The following SCN3A variants were observed in gnomAD, a reference collection of about 807,000 sequenced individuals.
SCN3A encodes sodium voltage-gated channel alpha subunit 3.
In SCN3A, 60 loss-of-function variants were observed where a neutral mutation model predicts 187.6. The observed-to-expected ratio is 0.32, with a 90% confidence interval of 0.26 to 0.40. The LOEUF (loss-of-function observed/expected upper bound fraction) is 0.40, where lower values mean the gene tolerates loss of function less well. Ranked by LOEUF, SCN3A falls within the 10% of genes least tolerant of loss-of-function variation. The pLI, the probability that SCN3A is intolerant of heterozygous loss-of-function variation, is 1.00. For synonymous variants in SCN3A, 788 were observed against 829.2 expected (o/e 0.95, Z 0.85); for missense variants, 1,601 against 2,428.2 (o/e 0.66, Z 7.16).
intron 3 of SCN3A, 59 bp from the exon 4 acceptor site, chr2:165,170,607 T>G: frequency 9.8e-7 from 1 of 1,016,032 alleles, no homozygotes; most frequent in African/African-American, 1.6e-5. Context: ...TTAAAGAGCT[T>G]ACATACATGA....
chr2:165,127,031 G>T (rs78747056), intron 18 of SCN3A, among the ~76,000 whole-genome samples: 17,527 of 152,094 alleles, frequency 0.12, 1,342 homozygotes, highest in Middle Eastern at 0.18. Context: ...AGTTGAGAGT[G>T]TAATGTACTA....
chr2:165,190,610 A>G (rs1691539120), intron 1 of SCN3A, among the ~76,000 whole-genome samples: 1 of 147,398 alleles, frequency 6.8e-6, no homozygotes. Context: ...CTTTATATAT[A>G]TATATATAAA....
In SCN3A at chr2:165,143,361, T is replaced by C. The variant is rs142553783; in HGVS notation, c.1672-2363A>G. Among the ~76,000 whole-genome samples the C allele has an allele frequency of 3.0e-3, 453 of 152,336 alleles. 3 individuals carry two copies. Among genetic ancestry groups the C allele is most frequent in the African/African-American group, 0.011 (443 of 41,586 alleles). ...CTACACAGTATTGGTTGGGAGTATGTGGTACGTGTGTACATCCACTATGTA... is the reference window on the plus strand; with the variant it reads ...CTACACAGTATTGGTTGGGAGTATGCGGTACGTGTGTACATCCACTATGTA... On this transcript the variant is annotated intron_variant, in intron 12 of 27. Coordinates refer to ENST00000283254, the MANE Select transcript of SCN3A (RefSeq NM_006922.4).
intron 26 of SCN3A, 43 bp downstream of exon 26, chr2:165,094,331 G>T: frequency 7.4e-7 from 1 of 1,358,992 alleles, no homozygotes; most frequent in Non-Finnish European, 1.1e-6. Context: ...TGACCATATG[G>T]ACGCATGGCT....
At chr2:165,126,058 C>T (rs1686971182) in intron 18 of SCN3A, among the ~76,000 whole-genome samples, 1 of 152,000 alleles carries the variant, frequency 6.6e-6, no homozygotes, top group African/African-American at 2.4e-5. Context: ...TGTCAGCTAC[C>T]TATTATAGGG....
chr2:165,151,810 A>G (rs1688699480), intron 11 of SCN3A, among the ~76,000 whole-genome samples: 1 of 152,194 alleles, frequency 6.6e-6, no homozygotes, highest in Non-Finnish European at 1.5e-5. Flanking sequence ...CATGTGTCTT[A>G]GAAAACTACC....
At position 165,120,799 on chromosome 2, in the gene SCN3A, CT is replaced by C. The variant is rs397869445; in HGVS notation, c.3394-5225del. On this transcript the variant is annotated intron_variant, in intron 18 of 27. Transcript: ENST00000283254. ...GGCGGGAAGGAAAAGGCCAGTAGCTCTTTTTTTTTTTTTTTTCACGATCACT... is the reference window on the plus strand; with the variant it reads ...GGCGGGAAGGAAAAGGCCAGTAGCTCTTTTTTTTTTTTTTTCACGATCACT... Among the ~76,000 whole-genome samples, 732 of 135,244 alleles carry C rather than the reference CT, an allele frequency of 5.4e-3. 1 individual carries two copies. The highest frequency in any genetic ancestry group is 0.011 in the South Asian group (47 of 4,166). 88.7% of individuals were successfully genotyped at this position (135,244 alleles called of 152,430 possible).
intron 1 of SCN3A, among the ~76,000 whole-genome samples, chr2:165,193,740 C>T (rs1019502832): frequency 5.9e-5 from 9 of 151,820 alleles, no homozygotes; most frequent in African/African-American, 2.2e-4. Context: ...GTATGACTTA[C>T]ATTACTTCAA....
intron 21 of SCN3A, among the ~76,000 whole-genome samples, chr2:165,105,439 T>C (rs1574115801): frequency 6.6e-6 from 1 of 152,152 alleles, no homozygotes; most frequent in African/African-American, 2.4e-5. Flanking sequence ...TTCAGATTGC[T>C]AGCTGCACAC....
In SCN3A at chr2:165,164,434, C is replaced by T. The variant is rs183764694; in HGVS notation, c.560G>A (p.Arg187His). The change falls in exon 6 of 28, where the codon CGT (arginine) becomes CAT (histidine). Residue 187 changes from arginine (R) to histidine (H), a missense_variant. Arg to His is a conservative substitution (Grantham distance 29, BLOSUM62 0). This residue lies in a region of SCN3A where 122 missense variants were observed against 225.1 expected (regional missense o/e 0.54). Transcript: ENST00000283254. Reference protein sequence around the residue: ...GFCLEDFTFLRDPWNWLDFSV... With the variant: ...GFCLEDFTFLHDPWNWLDFSV... ...GAAATCCAGCCAGTTCCATGGATCA[C>T]GAAGAAACGTAAAATCTTCTAAGCA... 144 of 1,613,682 alleles carry T rather than the reference C, an allele frequency of 8.9e-5. No individual in the cohort carries two copies. Among genetic ancestry groups the T allele is most frequent in the South Asian group, 2.5e-4 (23 of 91,068 alleles).
Position 165,159,822 on chromosome 2 carries a change from G to A in SCN3A, c.1031+2486C>T, listed in dbSNP as rs571644581. ...ATTTATTTCTTTAATGGAATGTGCC[G>A]CTTAAATACAAAATGGTTTTGTATT... On this transcript the variant is annotated intron_variant, in intron 9 of 27. Transcript: ENST00000283254. Among the ~76,000 whole-genome samples, 4 of 135,978 alleles carry A rather than the reference G, an allele frequency of 2.9e-5. 1 individual carries two copies. The South Asian group carries it at 7.0e-4, about 24-fold the overall frequency. The allele number at this position is 135,978 out of a possible 152,430, so 89.2% of individuals were successfully genotyped here.
intron 16 of SCN3A, among the ~76,000 whole-genome samples, chr2:165,130,755 T>G (rs938687990): frequency 1.3e-5 from 2 of 152,090 alleles, no homozygotes; most frequent in African/African-American, 4.8e-5. Flanking sequence ...AAATACACAT[T>G]TTGCTTAATT....
intron 1 of SCN3A, among the ~76,000 whole-genome samples, chr2:165,188,560 C>T (rs956027128): frequency 2.1e-4 from 32 of 152,072 alleles, no homozygotes; most frequent in African/African-American, 6.5e-4. Context: ...GAGGCCGAGG[C>T]GGGTGGATCA....
At chr2:165,191,335 A>G (rs1691598758) in intron 1 of SCN3A, among the ~76,000 whole-genome samples, 1 of 151,972 alleles carries the variant, frequency 6.6e-6, no homozygotes, top group Non-Finnish European at 1.5e-5. Context: ...AGAACATAGA[A>G]ATCGAATCAT....
At chr2:165,124,941 T>C (rs1410845177) in intron 18 of SCN3A, among the ~76,000 whole-genome samples, 1 of 152,198 alleles carries the variant, frequency 6.6e-6, no homozygotes, top group Non-Finnish European at 1.5e-5. Context: ...ACTTTCCAAT[T>C]GCCTTCCCCT....
At chr2:165,122,177 A>G (rs1181086277) in intron 18 of SCN3A, among the ~76,000 whole-genome samples, 1 of 148,692 alleles carries the variant, frequency 6.7e-6, no homozygotes, top group African/African-American at 2.5e-5. Context: ...ATGGCCCTTC[A>G]TCTCCAAACC....
intron 14 of SCN3A, 95 bp from the exon 15 acceptor site, chr2:165,138,212 A>G: frequency 1.2e-6 from 1 of 865,132 alleles, no homozygotes; most frequent in South Asian, 1.4e-5. Context: ...ATTGATGCTT[A>G]TATTTGAAAA....
At chr2:165,135,178 G>A (rs1199240837) in intron 15 of SCN3A, among the ~76,000 whole-genome samples, 1 of 151,934 alleles carries the variant, frequency 6.6e-6, no homozygotes, top group East Asian at 1.9e-4. Flanking sequence ...ATTTTTTGCT[G>A]ATTGAATCCC....
chr2:165,132,161 T>C (rs944806409), intron 15 of SCN3A, among the ~76,000 whole-genome samples: 22 of 152,264 alleles, frequency 1.4e-4, no homozygotes, highest in African/African-American at 4.3e-4. Context: ...ACATTCGATG[T>C]TCATGGGTAG....
Sources: allele counts gnomAD v4.1 joint callset (sites outside exome capture counted in the v4.1 genomes callset), GRCh38; gene constraint gnomAD v4.1.1; regional missense constraint gnomAD v4.1.1; transcripts MANE v1.5; gene names NCBI Gene and HGNC (gene_info 2026-07-23, HGNC 2026-07-21).